The following GRID2 variants were observed in gnomAD, a reference collection of about 807,000 sequenced individuals.
GRID2 encodes glutamate ionotropic receptor delta type subunit 2, also known as glutamate receptor ionotropic, delta-2.
A neutral mutation model predicts 114.8 loss-of-function variants in GRID2; 33 were observed. That is an observed-to-expected ratio of 0.29 (90% CI 0.22 to 0.38). The LOEUF (loss-of-function observed/expected upper bound fraction) is 0.38, where lower values mean the gene tolerates loss of function less well. Among genes scored for constraint, GRID2 ranks in the 10% least tolerant of loss-of-function variants. The pLI, the probability that GRID2 is intolerant of heterozygous loss-of-function variation, is 1.00. For synonymous variants in GRID2, 505 were observed against 449.9 expected, an observed-to-expected ratio of 1.12 and a Z score of -1.55; for missense variants, 1,184 against 1,257.7, an observed-to-expected ratio of 0.94 and a Z score of 0.89.
chr4:92,848,688 G>A (rs117464657), intron 2 of GRID2, among the ~76,000 whole-genome samples: 4 of 151,842 alleles, frequency 2.6e-5, no homozygotes, highest in African/African-American at 4.8e-5. Context: ...TTAATGAAGC[G>A]GGCTACGGGG....
At chr4:92,580,895 T>TTGG (rs71869201) in intron 1 of GRID2, among the ~76,000 whole-genome samples, 1 of 92,780 alleles carries the variant, frequency 1.1e-5, no homozygotes, top group Non-Finnish European at 2.7e-5. Flanking sequence ...TATTTGTTTT[T>TTGG]TTTTTTTTTT....
chr4:93,117,898 G>T (rs2149359199), intron 4 of GRID2, among the ~76,000 whole-genome samples: 1 of 152,210 alleles, frequency 6.6e-6, no homozygotes, highest in Middle Eastern at 3.4e-3. Flanking sequence ...AAAGGCAGAG[G>T]CTTACAAAGA....
chr4:93,262,780 C>T (rs969504551), intron 8 of GRID2, among the ~76,000 whole-genome samples: 1 of 150,950 alleles, frequency 6.6e-6, no homozygotes, highest in Non-Finnish European at 1.5e-5. Flanking sequence ...TGGCCTTTTC[C>T]ATTTTTGCCC....
chr4:93,509,517 G>A (rs1295897362), intron 12 of GRID2, among the ~76,000 whole-genome samples: 1 of 152,094 alleles, frequency 6.6e-6, no homozygotes, highest in Non-Finnish European at 1.5e-5. Context: ...TAAGAAAAGT[G>A]TCTTATAAAC....
intron 1 of GRID2, among the ~76,000 whole-genome samples, chr4:92,545,861 C>A (rs935053310): frequency 6.6e-6 from 1 of 152,102 alleles, no homozygotes. Flanking sequence ...CTTCTCAGAG[C>A]CTTAAGTAAA....
intron 4 of GRID2, among the ~76,000 whole-genome samples, chr4:93,173,760 GC>G (rs1182864080): frequency 6.6e-6 from 1 of 152,068 alleles, no homozygotes; most frequent in African/African-American, 2.4e-5. Flanking sequence ...CTCCCAAGCA[GC>G]TGGGACTATA....
chr4:93,719,939 T>C (rs1303395382), intron 14 of GRID2, among the ~76,000 whole-genome samples: 3 of 152,186 alleles, frequency 2.0e-5, no homozygotes, highest in Non-Finnish European at 4.4e-5. Flanking sequence ...ATTCTCTCCC[T>C]GGTCTCAAGC....
chr4:93,677,391 T>G (rs1724997386), intron 14 of GRID2, among the ~76,000 whole-genome samples: 1 of 152,126 alleles, frequency 6.6e-6, no homozygotes, highest in African/African-American at 2.4e-5. Flanking sequence ...CTCTGCAGAC[T>G]TAAATGTCCC....
rs964420091 is a variant in GRID2 at position 93,186,102 on chromosome 4, T to G, written c.736-21302T>G. Among the ~76,000 whole-genome samples the G allele has an allele frequency of 1.7e-4, 26 of 152,230 alleles. 1 individual carries two copies. Among genetic ancestry groups the G allele is most frequent in the Non-Finnish European group, 3.1e-4 (21 of 68,044 alleles). ...CATCCTTTCTTTTATGGCTGCATAG[T>G]ATTCCATGGTGTATATGTGCCACAT... On this transcript the variant is annotated intron_variant, in intron 4 of 15. Coordinates refer to ENST00000282020, the MANE Select transcript of GRID2 (RefSeq NM_001510.4).
At chr4:93,303,322 G>C (rs1755069019) in intron 8 of GRID2, among the ~76,000 whole-genome samples, 1 of 152,116 alleles carries the variant, frequency 6.6e-6, no homozygotes, top group Admixed American at 6.6e-5. Context: ...GCTACAAACG[G>C]AGCATTGTTC....
intron 14 of GRID2, among the ~76,000 whole-genome samples, chr4:93,680,289 G>C (rs897282042): frequency 7.9e-5 from 12 of 152,092 alleles, no homozygotes; most frequent in African/African-American, 2.7e-4. Context: ...ATAATCAATA[G>C]CTTACCAACC....
intron 2 of GRID2, among the ~76,000 whole-genome samples, chr4:93,014,325 C>A (rs1036781390): frequency 6.6e-6 from 1 of 151,970 alleles, no homozygotes; most frequent in Non-Finnish European, 1.5e-5. Context: ...GGAAAACAAA[C>A]ATTCAGCCCA....
At chr4:92,793,808 A>T (rs1217270361) in intron 2 of GRID2, among the ~76,000 whole-genome samples, 1 of 151,886 alleles carries the variant, frequency 6.6e-6, no homozygotes, top group Admixed American at 6.6e-5. Context: ...AGGACAGAAC[A>T]CAAACAAAAC....
intron 2 of GRID2, among the ~76,000 whole-genome samples, chr4:92,945,936 T>C (rs1374684458): frequency 6.6e-6 from 1 of 152,168 alleles, no homozygotes; most frequent in Non-Finnish European, 1.5e-5. Context: ...CTACTTGCAC[T>C]GTGTTTTATT....
At chr4:92,319,809 T>A (rs893185311) in intron 1 of GRID2, among the ~76,000 whole-genome samples, 1 of 152,218 alleles carries the variant, frequency 6.6e-6, no homozygotes, top group Admixed American at 6.5e-5. Flanking sequence ...CACATGTCCA[T>A]ATTTGCTTTC....
chr4:92,881,360 A>T (rs141017584), intron 2 of GRID2, among the ~76,000 whole-genome samples: 2,959 of 152,268 alleles, frequency 0.019, 31 homozygotes, highest in Non-Finnish European at 0.031. Flanking sequence ...GATTTTACAT[A>T]TATAACATTT....
At chr4:93,281,401 C>T (rs564698560) in intron 8 of GRID2, among the ~76,000 whole-genome samples, 2 of 151,866 alleles carry the variant, frequency 1.3e-5, no homozygotes, top group South Asian at 2.1e-4. Context: ...AGAGAAAAAA[C>T]AGGGAGAGAA....
intron 1 of GRID2, among the ~76,000 whole-genome samples, chr4:92,580,221 G>A (rs1479202753): frequency 6.6e-6 from 1 of 151,294 alleles, no homozygotes; most frequent in East Asian, 1.9e-4. Flanking sequence ...TATTTTACAT[G>A]GCAATTCCCT....
At chr4:92,631,455 T>G (rs1310959176) in intron 2 of GRID2, among the ~76,000 whole-genome samples, 1 of 152,144 alleles carries the variant, frequency 6.6e-6, no homozygotes, top group Non-Finnish European at 1.5e-5. Context: ...TTTTTAAAAT[T>G]TAAAACATTT....
Sources: allele counts gnomAD v4.1 joint callset (sites outside exome capture counted in the v4.1 genomes callset), GRCh38; gene constraint gnomAD v4.1.1; transcripts MANE v1.5; gene names NCBI Gene and HGNC (gene_info 2026-07-23, HGNC 2026-07-21).